KLHL1: variants seen among roughly 807,000 people sequenced by gnomAD.
KLHL1 encodes the protein kelch-like protein 1.
In KLHL1, 47 loss-of-function variants were observed where a neutral mutation model predicts 77.7. The ratio of observed to expected loss-of-function variants is 0.60; its 90% confidence interval spans 0.48 to 0.77. KLHL1 has a LOEUF of 0.77. Among genes scored for constraint, KLHL1 ranks in the 30% least tolerant of loss-of-function variants. KLHL1 has a pLI of 0.00. For missense variants in KLHL1, 925 were observed against 910.8 expected (o/e 1.02, Z -0.20); for synonymous variants, 360 against 325.2 (o/e 1.11, Z -1.15).
At chr13:69,940,792 CAAA>C (rs374717086) in intron 3 of KLHL1, among the ~76,000 whole-genome samples, 4,113 of 67,738 alleles carry the variant, frequency 0.061, 202 homozygotes, top group East Asian at 0.32. Context: ...ATCTTAAAGG[CAAA>C]AAAAAAAAAA....
At chr13:69,948,504 G>A (rs971369772) in intron 3 of KLHL1, among the ~76,000 whole-genome samples, 1 of 151,858 alleles carries the variant, frequency 6.6e-6, no homozygotes, top group Non-Finnish European at 1.5e-5. Flanking sequence ...GACTAAACGG[G>A]GAATACTTTT....
chr13:69,756,975 C>G (rs1874775777), intron 7 of KLHL1, among the ~76,000 whole-genome samples: 1 of 152,056 alleles, frequency 6.6e-6, no homozygotes, highest in African/African-American at 2.4e-5. Context: ...AAAAAAAACT[C>G]CAGTTATTAG....
chr13:69,933,737 C>G (rs1883080933), intron 4 of KLHL1, among the ~76,000 whole-genome samples: 1 of 151,842 alleles, frequency 6.6e-6, no homozygotes, highest in African/African-American at 2.4e-5. Flanking sequence ...TGCCTCCAGC[C>G]TAAACCTAAT....
chr13:69,981,004 C>A (rs17086090), intron 1 of KLHL1, among the ~76,000 whole-genome samples: 1 of 151,950 alleles, frequency 6.6e-6, no homozygotes, highest in Non-Finnish European at 1.5e-5. Context: ...ATAGCTACCA[C>A]TAAATAAACA....
In KLHL1 at chr13:70,107,325, T is replaced by C; in HGVS notation, c.375A>G (p.Leu125=). The change falls in exon 1 of 11, where the codon CTA becomes CTG. Residue 125 remains leucine (L), a synonymous_variant. Coordinates refer to ENST00000377844, the MANE Select transcript of KLHL1 (RefSeq NM_020866.3). ...PARTLFYVES[L]EEEVVPGMDF... is the part of the protein sequence containing the mutation. The stretch of plus-strand genomic sequence containing the variant: ...CCATGCCTGGCACCACCTCCTCCTC[T>C]AGTGACTCCACGTAGAAGAGAGTCC... 1 of 1,614,124 alleles carries C rather than the reference T, an allele frequency of 6.2e-7. No individual in the cohort carries two copies. The highest frequency in any genetic ancestry group is 8.5e-7 in the Non-Finnish European group (1 of 1,180,010).
At chr13:69,942,603 T>C (rs1883401026) in intron 3 of KLHL1, among the ~76,000 whole-genome samples, 1 of 152,090 alleles carries the variant, frequency 6.6e-6, no homozygotes, top group Admixed American at 6.6e-5. Context: ...TTTAAACCTA[T>C]AATAATTTGC....
intron 1 of KLHL1, among the ~76,000 whole-genome samples, chr13:70,000,098 T>C (rs900008687): frequency 6.6e-6 from 1 of 151,984 alleles, no homozygotes; most frequent in East Asian, 1.9e-4. Context: ...CACCTCTTTC[T>C]CTGTCTCCTG....
chr13:69,820,419 C>A (rs1285548031), intron 6 of KLHL1, among the ~76,000 whole-genome samples: 1 of 152,128 alleles, frequency 6.6e-6, no homozygotes, highest in Non-Finnish European at 1.5e-5. Context: ...CTATCAAAGT[C>A]TGGAGGTGAT....
chr13:69,732,571 C>T (rs1157489080), intron 8 of KLHL1, among the ~76,000 whole-genome samples: 1 of 152,040 alleles, frequency 6.6e-6, no homozygotes. Flanking sequence ...CACCTGGTTC[C>T]CTGTTAGGAT....
chr13:69,873,774 T>C (rs1365372167), intron 5 of KLHL1, among the ~76,000 whole-genome samples: 1 of 152,170 alleles, frequency 6.6e-6, no homozygotes, highest in Non-Finnish European at 1.5e-5. Flanking sequence ...TTTAAAAAAG[T>C]AAATGAAGCT....
chr13:70,042,531 A>G (rs969789368), intron 1 of KLHL1, among the ~76,000 whole-genome samples: 39 of 152,150 alleles, frequency 2.6e-4, no homozygotes, highest in Non-Finnish European at 4.4e-4. Context: ...GTAATTGCAC[A>G]ATGTATTACC....
At chr13:69,728,476 G>A (rs763587029) in intron 8 of KLHL1, among the ~76,000 whole-genome samples, 12 of 151,738 alleles carry the variant, frequency 7.9e-5, no homozygotes, top group East Asian at 4.0e-4. Flanking sequence ...GTGCAGTGGC[G>A]CAATCTCAGC....
intron 1 of KLHL1, among the ~76,000 whole-genome samples, chr13:70,022,803 CT>C (rs1028737038): frequency 3.1e-5 from 1 of 32,452 alleles, no homozygotes; most frequent in Admixed American, 4.9e-4. Context: ...AAGCCTAAGC[CT>C]TTTTTTAATG....
At chr13:69,705,846 T>C (rs887837375) in intron 10 of KLHL1, among the ~76,000 whole-genome samples, 1 of 151,780 alleles carries the variant, frequency 6.6e-6, no homozygotes, top group Non-Finnish European at 1.5e-5. Flanking sequence ...TACTACCTAC[T>C]ACATATATTG....
chr13:70,088,078 A>G (rs1887587973), intron 1 of KLHL1, among the ~76,000 whole-genome samples: 1 of 152,212 alleles, frequency 6.6e-6, no homozygotes, highest in South Asian at 2.1e-4. Context: ...AGAACTTAAA[A>G]TAAAACAAAA....
At chr13:69,906,627 G>T (rs1372509173) in intron 4 of KLHL1, among the ~76,000 whole-genome samples, 1 of 151,204 alleles carries the variant, frequency 6.6e-6, no homozygotes, top group Middle Eastern at 3.4e-3. Flanking sequence ...TTTTTATCTT[G>T]AATAACAATT....
chr13:69,926,188 T>C (rs975059079), intron 4 of KLHL1, among the ~76,000 whole-genome samples: 1 of 152,206 alleles, frequency 6.6e-6, no homozygotes, highest in African/African-American at 2.4e-5. Flanking sequence ...TCCTGCAACA[T>C]GTGTTTTCGT....
intron 1 of KLHL1, among the ~76,000 whole-genome samples, chr13:70,054,242 AG>A (rs1392216958): frequency 6.6e-6 from 1 of 152,158 alleles, no homozygotes; most frequent in African/African-American, 2.4e-5. Context: ...AATTTTGTGT[AG>A]GAAAAATTAT....
intron 9 of KLHL1, among the ~76,000 whole-genome samples, chr13:69,711,885 T>C (rs974668168): frequency 6.6e-6 from 1 of 152,138 alleles, no homozygotes. Context: ...ATTATGTGTA[T>C]TATGTGCTTT....
Sources: gnomAD v4.1 joint callset for allele counts (sites outside exome capture counted in the v4.1 genomes callset) on GRCh38, gnomAD v4.1.1 for gene constraint, MANE v1.5 for transcripts, NCBI Gene and HGNC (gene_info 2026-07-23, HGNC 2026-07-21) for gene names.